The following GLE1 variants were observed in gnomAD, a reference collection of about 807,000 sequenced individuals.
GLE1 encodes the protein GLE1 RNA export mediator, also known as mRNA export factor GLE1.
In GLE1, 78 loss-of-function variants were observed where a neutral mutation model predicts 97.3. That is an observed-to-expected ratio of 0.80 (90% CI 0.67 to 0.97). The LOEUF (loss-of-function observed/expected upper bound fraction) is 0.97. Among genes scored for constraint, GLE1 ranks in the 50% least tolerant of loss-of-function variants. The pLI is 0.00. For synonymous variants in GLE1, 302 were observed against 313.4 expected (o/e 0.96, Z 0.39); for missense variants, 753 against 857.5 (o/e 0.88, Z 1.52).
At position 128,526,657 on chromosome 9, in the gene GLE1, C is replaced by T. The variant is rs115006717; in HGVS notation, c.1130-522C>T. On this transcript the variant is annotated intron_variant, in intron 7 of 15. Coordinates refer to ENST00000309971, the MANE Select transcript of GLE1 (RefSeq NM_001003722.2). ...TATAGGCATGAGCCACTGCGCCCAG[C>T]GTTTTTTGTTTTTTGTTTTTTTTTT... 4.6e-3 allele frequency among the ~76,000 whole-genome samples: 702 copies of T among 151,106 alleles called. 8 individuals are homozygous for T. Among genetic ancestry groups the T allele is most frequent in the African/African-American group, 0.016 (674 of 41,158 alleles).
chr9:128,513,520 T>C (rs1846884715), intron 2 of GLE1, among the ~76,000 whole-genome samples: 1 of 151,996 alleles, frequency 6.6e-6, no homozygotes, highest in Admixed American at 6.6e-5. Context: ...CATTCGAGAC[T>C]AGCCTGCGCA....
intron 2 of GLE1, 132 bp from the exon 3 acceptor site, chr9:128,515,397 A>AT (rs540189840): frequency 2.0e-3 from 1,207 of 589,386 alleles, no homozygotes; most frequent in Middle Eastern, 2.9e-3. Flanking sequence ...TCTGACCTAA[A>AT]TTTTTTTTTT....
chr9:128,512,012 G>C (rs944457555), intron 2 of GLE1, among the ~76,000 whole-genome samples: 4 of 152,158 alleles, frequency 2.6e-5, no homozygotes, highest in African/African-American at 9.7e-5. Flanking sequence ...GTTTCACCAT[G>C]TTGGCCAGGC....
At chr9:128,507,929 C>G (rs1846687901) in intron 1 of GLE1, among the ~76,000 whole-genome samples, 1 of 151,668 alleles carries the variant, frequency 6.6e-6, no homozygotes, top group African/African-American at 2.4e-5. Context: ...CCTGTAATCC[C>G]AGCACTTTGG....
chr9:128,520,284 ATATATATGTGTATATATG>A lies in GLE1; in HGVS notation c.433-2360_433-2343del, dbSNP rs1283649390. 2.9e-4 allele frequency among the ~76,000 whole-genome samples: 44 copies of A among 150,104 alleles called. No individual in the cohort carries two copies. In the East Asian group the frequency reaches 4.3e-3, roughly 15 times the overall value. ...TATATATATATGTATATATGTGTGT[ATATATATGTGTATATATG>A]TATATATGTGTATATATGTATATGT... On this transcript the variant is annotated intron_variant, in intron 3 of 15. Transcript: ENST00000309971.
At position 128,522,580 on chromosome 9, in the gene GLE1, G is replaced by A. The variant is rs553148909; in HGVS notation, c.433-88G>A. 38 of 1,409,892 alleles carry A rather than the reference G, an allele frequency of 2.7e-5. 1 individual carries two copies. The African/African-American group carries it at 5.2e-4, about 19-fold the overall frequency. 87.3% of individuals were successfully genotyped at this position (1,409,892 alleles called of 1,614,324 possible). ...AGACAAGAATCGCTTGAACCCGGGAGTTGGAGGTTGCAGTGAGCTGCACTC... is the reference window on the plus strand; with the variant it reads ...AGACAAGAATCGCTTGAACCCGGGAATTGGAGGTTGCAGTGAGCTGCACTC... On this transcript the variant is annotated intron_variant, in intron 3 of 15. Transcript: ENST00000309971.
intron 11 of GLE1, among the ~76,000 whole-genome samples, chr9:128,535,538 A>G (rs1215084214): frequency 2.2e-5 from 3 of 133,508 alleles, no homozygotes; most frequent in African/African-American, 8.5e-5. Flanking sequence ...AAAAAAAAAA[A>G]GGCCAGGCGC....
At chr9:128,520,074 A>AC (rs1323842292) in intron 3 of GLE1, among the ~76,000 whole-genome samples, 1 of 151,570 alleles carries the variant, frequency 6.6e-6, no homozygotes, top group East Asian at 1.9e-4. Flanking sequence ...ACACTGTGAA[A>AC]CCCCGTCTCT....
rs1294787911 is a variant in GLE1 at position 128,541,347 on chromosome 9, G to A, written c.*177G>A. The A allele has an allele frequency of 1.6e-6, 1 of 619,796 alleles. No homozygotes were observed. Among genetic ancestry groups the A allele is most frequent in the African/African-American group, 1.8e-5 (1 of 54,394 alleles). The allele number at this position is 619,796 out of a possible 1,614,324, so 38.4% of individuals were successfully genotyped here. ...TTCATGGGTCACAAAATTCTTGGAG[G>A]TCCCTTAGTAGATTTGGTAGTTCCT... On this transcript the variant is annotated 3_prime_UTR_variant, in exon 16 of 16. Coordinates refer to ENST00000309971, the MANE Select transcript of GLE1 (RefSeq NM_001003722.2).
intron 3 of GLE1, 24 bp downstream of exon 3, chr9:128,515,663 C>T: frequency 7.9e-7 from 1 of 1,266,340 alleles, no homozygotes; most frequent in South Asian, 1.2e-5. Flanking sequence ...TGAAGGAAGG[C>T]AGCCTTGATC....
At position 128,525,383 on chromosome 9, in the gene GLE1, C is replaced by G. The variant is rs1357351573; in HGVS notation, c.1089C>G (p.Pro363=). 1 of 1,610,772 alleles carries G rather than the reference C, an allele frequency of 6.2e-7. No individual in the cohort carries two copies. Residue 363 remains proline (P), a synonymous_variant, in exon 7 of 16, where the codon CCC becomes CCG. Transcript: ENST00000309971. ...MQQGPEAHKE[P]PAPSQGPGGK... ...AGGGACCAGAGGCCCACAAAGAGCCCCCAGCTCCCAGCCAGGGCCCAGGAG... is the reference window on the plus strand; with the variant it reads ...AGGGACCAGAGGCCCACAAAGAGCCGCCAGCTCCCAGCCAGGGCCCAGGAG...
chr9:128,516,388 C>T lies in GLE1; in HGVS notation c.432+749C>T, dbSNP rs765920349. ...AGGCTGTAGTACAGTGGCACCATCT[C>T]GGCTCACCGCAAGCTCCGCCTCCCA... is the stretch of plus-strand genomic sequence containing the variant. On this transcript the variant is annotated intron_variant, in intron 3 of 15. Coordinates refer to ENST00000309971, the MANE Select transcript of GLE1 (RefSeq NM_001003722.2). Among the ~76,000 whole-genome samples the T allele has an allele frequency of 3.8e-4, 57 of 151,782 alleles. 1 individual carries two copies. The highest frequency in any genetic ancestry group is 2.1e-4 in the South Asian group (1 of 4,810).
intron 11 of GLE1, among the ~76,000 whole-genome samples, chr9:128,535,522 C>CA (rs60357152): frequency 0.91 from 109,582 of 120,358 alleles, 49,956 homozygotes; most frequent in East Asian, 0.99. Context: ...AACTCTGTCT[C>CA]AAAAAAAAAA....
chr9:128,519,683 C>T lies in GLE1; in HGVS notation c.433-2985C>T, dbSNP rs543146083. ...CTGTGGTCCTGTGATCTCGCGATCT[C>T]GCCCTGCCTCCATTTGCCTTGTGAT... is the stretch of plus-strand genomic sequence containing the variant. On this transcript the variant is annotated intron_variant, in intron 3 of 15. Transcript: ENST00000309971. Among the ~76,000 whole-genome samples, 6 of 152,320 alleles carry T rather than the reference C, an allele frequency of 3.9e-5. No individual in the cohort carries two copies. In the East Asian group the frequency reaches 5.8e-4, roughly 15 times the overall value.
intron 6 of GLE1, 106 bp downstream of exon 6, chr9:128,523,952 G>C: frequency 2.9e-6 from 3 of 1,041,016 alleles, no homozygotes; most frequent in Non-Finnish European, 4.4e-6. Context: ...TGCTTATTGG[G>C]GGAAATACCA....
rs764600069 is a variant in GLE1, at chr9:128,508,994, C to G, written c.218C>G (p.Ser73Cys). 28 of 1,612,682 alleles carry G rather than the reference C, an allele frequency of 1.7e-5. No homozygotes were observed. The highest frequency in any genetic ancestry group is 2.0e-5 in the Non-Finnish European group (24 of 1,178,810). ...NQPLSETSPS[S>C]TSASALDQPS... ...CCTCTGTCTGAGACTTCGCCATCCT[C>G]TACGTCAGCTTCAGCCCTAGATCAA... The change falls in exon 2 of 16, where the codon TCT (serine) becomes TGT (cysteine). Residue 73 changes from serine to cysteine, a missense_variant. Coordinates refer to ENST00000309971, the MANE Select transcript of GLE1 (RefSeq NM_001003722.2).
At chr9:128,534,264 G>T (rs1847623394) in intron 11 of GLE1, among the ~76,000 whole-genome samples, 1 of 152,134 alleles carries the variant, frequency 6.6e-6, no homozygotes, top group Non-Finnish European at 1.5e-5. Flanking sequence ...AGCTACTCAG[G>T]AGGCTGAGGC....
At chr9:128,510,585 G>A (rs993286790) in intron 2 of GLE1, among the ~76,000 whole-genome samples, 22 of 140,876 alleles carry the variant, frequency 1.6e-4, no homozygotes, top group African/African-American at 4.7e-4. Context: ...CTGGAGTACA[G>A]TGGCATGGTC....
intron 2 of GLE1, 144 bp from the exon 3 acceptor site, chr9:128,515,385 G>A: frequency 3.1e-6 from 2 of 651,780 alleles, no homozygotes; most frequent in East Asian, 5.4e-5. Flanking sequence ...AAGCACACTA[G>A]TTCTGACCTA....
Sources: gnomAD v4.1 joint callset for allele counts (sites outside exome capture counted in the v4.1 genomes callset) on GRCh38, gnomAD v4.1.1 for gene constraint, MANE v1.5 for transcripts, NCBI Gene and HGNC (gene_info 2026-07-23, HGNC 2026-07-21) for gene names.